The following ARL9 variants were observed in gnomAD, a reference collection of about 807,000 sequenced individuals.
ARL9 encodes the protein ARF like GTPase 9.
A neutral mutation model predicts 27.0 loss-of-function variants in ARL9; 14 were observed. The observed-to-expected ratio is 0.52, with a 90% CI of 0.34 to 0.81. The LOEUF (loss-of-function observed/expected upper bound fraction) is 0.81, where lower values mean the gene tolerates loss of function less well. Among genes scored for constraint, ARL9 ranks in the 30% least tolerant of loss-of-function variants. ARL9 has a pLI of 0.01. For missense variants in ARL9, 294 were observed against 290.0 expected (o/e 1.01, Z -0.10); for synonymous variants, 106 against 108.7 (o/e 0.98, Z 0.15).
chr4:56,521,205 C>T (rs1226795314), intron 3 of ARL9, among the ~76,000 whole-genome samples: 5 of 144,670 alleles, frequency 3.5e-5, no homozygotes, highest in African/African-American at 8.0e-5. Context: ...AGTGACACTC[C>T]GCCCCAAAAA....
intron 2 of ARL9, among the ~76,000 whole-genome samples, chr4:56,517,301 C>T (rs923125625): frequency 6.6e-6 from 1 of 152,170 alleles, no homozygotes; most frequent in African/African-American, 2.4e-5. Flanking sequence ...AAAGGAAAGG[C>T]AAAGATCCTT....
chr4:56,511,496 G>C, intron 2 of ARL9, 149 bp downstream of exon 2: 1 of 866,996 alleles, frequency 1.2e-6, no homozygotes, highest in Non-Finnish European at 1.7e-6. Context: ...TTAATACCCA[G>C]GTACACTGTG....
At chr4:56,505,746 A>G (rs2110138948), upstream of ARL9, 2 of 1,396,838 alleles carry the variant, frequency 1.4e-6, no homozygotes, top group South Asian at 1.6e-5. Context: ...CGGGTTGTCT[A>G]CGCCGCGGGG....
At position 56,511,363 on chromosome 4, in the gene ARL9, C is replaced by G; in HGVS notation, c.442+16C>G. 1 of 1,602,634 alleles carries G rather than the reference C, an allele frequency of 6.2e-7. No individual in the cohort carries two copies. Among genetic ancestry groups the G allele is most frequent in the African/African-American group, 1.3e-5 (1 of 74,694 alleles). ...TTCCTGGAGAGTAAGCTCTCTGTTC[C>G]TTAGTTATAAGATAGCCACATTTTA... On this transcript the variant is annotated intron_variant, in intron 2 of 3. Coordinates refer to ENST00000640821, the MANE Select transcript of ARL9 (RefSeq NM_001363794.2).
upstream of ARL9, chr4:56,505,562 G>A: frequency 1.7e-6 from 1 of 579,382 alleles, no homozygotes; most frequent in Admixed American, 2.2e-5. Flanking sequence ...CCGCCGAACT[G>A]TCCCACGTCC....
rs1722012477 is a variant in ARL9, at chr4:56,524,128, T to A, written c.*252T>A. The A allele has an allele frequency of 2.6e-6, 1 of 380,204 alleles. No homozygotes were observed. Among genetic ancestry groups the A allele is most frequent in the African/African-American group, 2.0e-5 (1 of 49,238 alleles). 23.6% of individuals were successfully genotyped at this position (380,204 alleles called of 1,614,324 possible). A position where few individuals can be genotyped will look rare whatever the true frequency, so the allele number is the denominator to read the frequency against. ...ACAACAATAAAAATAATACACATTT[T>A]AAAATACAATATAACAACTATTTAC... On this transcript the variant is annotated 3_prime_UTR_variant, in exon 4 of 4. Transcript: ENST00000640821.
At position 56,506,061 on chromosome 4, in the gene ARL9, G is replaced by A. The variant is rs1402164211; in HGVS notation, c.199G>A (p.Glu67Lys). The change falls in exon 1 of 4, where the codon GAG becomes AAG. Residue 67 changes from glutamate (E) to lysine (K), a missense_variant. Glu to Lys is a moderately conservative substitution (Grantham distance 56, BLOSUM62 1). Coordinates refer to ENST00000640821, the MANE Select transcript of ARL9 (RefSeq NM_001363794.2). The part of the protein sequence containing the change: ...RTKQGKETNK[E>K]KEQFKGQEEK... The stretch of plus-strand genomic sequence containing the variant: ...AAAGCAAGGGAAGGAGACAAACAAA[G>A]AGAAGGAACAATTTAAGGGACAAGA... 2.4e-6 allele frequency: 3 copies of A among 1,234,578 alleles called. No homozygotes were observed. The highest frequency in any genetic ancestry group is 3.0e-6 in the Non-Finnish European group (3 of 989,406). The allele number at this position is 1,234,578 out of a possible 1,614,324, so 76.5% of individuals were successfully genotyped here.
At chr4:56,505,350 G>A (rs1721419416), upstream of ARL9, 2 of 456,808 alleles carry the variant, frequency 4.4e-6, no homozygotes, top group Admixed American at 2.3e-5. Flanking sequence ...GGGAGCTGAG[G>A]GAAGGCTGAG....
Position 56,518,701 on chromosome 4 carries a change from T to A in ARL9, c.466T>A (p.Ser156Thr), listed in dbSNP as rs1283942738. The change falls in exon 3 of 4, where the codon TCC (serine) becomes ACC (threonine). Residue 156 changes from serine to threonine, a missense_variant. By Grantham distance (58) the Ser-to-Thr change is moderately conservative. Transcript: ENST00000640821. ...AGTTGGTGGCAGTAAACCTTTTCGG[T>A]CCTACTGGGAAATGTACCTATCCAA... ...LEIGGSKPFR[S>T]YWEMYLSKGL... The A allele has an allele frequency of 1.2e-6, 2 of 1,613,432 alleles. No individual in the cohort carries two copies. Among genetic ancestry groups the A allele is most frequent in the Non-Finnish European group, 1.7e-6 (2 of 1,179,570 alleles).
intron 1 of ARL9, among the ~76,000 whole-genome samples, chr4:56,510,369 AAAGTAT>A (rs1721602649): frequency 6.6e-6 from 1 of 151,958 alleles, no homozygotes; most frequent in Non-Finnish European, 1.5e-5. Flanking sequence ...AAAAAAAAAA[AAAGTAT>A]AAGAGGGAAA....
At chr4:56,505,567 A>T, upstream of ARL9, 2 of 584,876 alleles carry the variant, frequency 3.4e-6, no homozygotes. Context: ...GAACTGTCCC[A>T]CGTCCTGGTT....
At chr4:56,513,025 A>T (rs1721679653) in intron 2 of ARL9, among the ~76,000 whole-genome samples, 1 of 152,254 alleles carries the variant, frequency 6.6e-6, no homozygotes, top group South Asian at 2.1e-4. Flanking sequence ...ATTCAACAAA[A>T]ATGCATTAAG....
chr4:56,523,356 T>A (rs1721981142), intron 3 of ARL9, among the ~76,000 whole-genome samples: 1 of 152,166 alleles, frequency 6.6e-6, no homozygotes, highest in Non-Finnish European at 1.5e-5. Flanking sequence ...GCCACTGCAC[T>A]CCAGCCTGGG....
intron 3 of ARL9, among the ~76,000 whole-genome samples, chr4:56,520,156 C>A (rs979052478): frequency 6.6e-6 from 1 of 152,158 alleles, no homozygotes; most frequent in East Asian, 1.9e-4. Context: ...GCACATGCCA[C>A]CACACCCAGC....
chr4:56,506,794 G>A (rs574744344), intron 1 of ARL9: 11,735 of 182,946 alleles, frequency 0.064, 812 homozygotes, highest in Admixed American at 0.11. Context: ...AGTTGTGTGT[G>A]TGTGTGTGTG....
intron 3 of ARL9, among the ~76,000 whole-genome samples, chr4:56,520,300 G>C (rs1368632447): frequency 6.6e-6 from 1 of 152,150 alleles, no homozygotes; most frequent in Non-Finnish European, 1.5e-5. Flanking sequence ...ACCGCACCTG[G>C]CTACAATGGG....
intron 2 of ARL9, among the ~76,000 whole-genome samples, chr4:56,515,654 A>C (rs1721748137): frequency 6.6e-6 from 1 of 152,216 alleles, no homozygotes; most frequent in Non-Finnish European, 1.5e-5. Flanking sequence ...TTGGCAAGAC[A>C]ACTGTATATA....
chr4:56,512,323 G>A (rs1173199316), intron 2 of ARL9, among the ~76,000 whole-genome samples: 1 of 147,034 alleles, frequency 6.8e-6, no homozygotes, highest in Non-Finnish European at 1.5e-5. Flanking sequence ...ATAAAATCCA[G>A]AGTCTTTGTT....
At chr4:56,521,327 G>T (rs990634656) in intron 3 of ARL9, among the ~76,000 whole-genome samples, 1 of 152,068 alleles carries the variant, frequency 6.6e-6, no homozygotes, top group Non-Finnish European at 1.5e-5. Context: ...TAAGTGAGCT[G>T]TATAGTATTC....
Sources: allele counts gnomAD v4.1 joint callset (sites outside exome capture counted in the v4.1 genomes callset), GRCh38; gene constraint gnomAD v4.1.1; transcripts MANE v1.5; gene names NCBI Gene and HGNC (gene_info 2026-07-23, HGNC 2026-07-21).